Variants in SPARC observed in about 807,000 individuals in gnomAD.
The protein encoded by SPARC is basement-membrane protein 40.
A neutral mutation model predicts 37.7 loss-of-function variants in SPARC; 23 were observed. That is an observed-to-expected ratio of 0.61 (90% CI 0.44 to 0.87). SPARC has a LOEUF of 0.87. Ranked by LOEUF, SPARC falls within the 40% of genes least tolerant of loss-of-function variation. The pLI, the probability that SPARC is intolerant of heterozygous loss-of-function variation, is 0.00. For missense variants in SPARC, 312 were observed against 389.0 expected (o/e 0.80, Z 1.66); for synonymous variants, 155 against 150.8 (o/e 1.03, Z -0.20).
intron 1 of SPARC, among the ~76,000 whole-genome samples, chr5:151,681,095 C>T (rs1026932836): frequency 1.3e-5 from 2 of 152,214 alleles, no homozygotes; most frequent in Admixed American, 6.5e-5. Flanking sequence ...GGCTTGGAAA[C>T]AAGGGCTCCA....
intron 1 of SPARC, chr5:151,676,817 G>A (rs1392193068): frequency 6.6e-6 from 1 of 152,182 alleles, no homozygotes; most frequent in Non-Finnish European, 1.5e-5. Flanking sequence ...TGCAATGGGA[G>A]AAGTTAATAG....
intron 8 of SPARC, 126 bp downstream of exon 8, chr5:151,666,235 T>C: frequency 1.1e-6 from 1 of 943,558 alleles, no homozygotes; most frequent in Admixed American, 2.6e-5. Context: ...ATCCTTCTGC[T>C]CCAATCCCCA....
At chr5:151,684,196 TC>T (rs148470763) in intron 1 of SPARC, among the ~76,000 whole-genome samples, 4,312 of 152,286 alleles carry the variant, frequency 0.028, 202 homozygotes, top group African/African-American at 0.097. Flanking sequence ...TTTCTTGTTT[TC>T]TTTTCAACTG....
At chr5:151,673,345 C>A (rs1760787826) in intron 3 of SPARC, 129 bp from the exon 4 acceptor site, 1 of 723,114 alleles carries the variant, frequency 1.4e-6, no homozygotes, top group Non-Finnish European at 2.5e-6. Context: ...ATCTATAGGC[C>A]TGCTGTGTTT....
intron 1 of SPARC, among the ~76,000 whole-genome samples, chr5:151,684,752 A>C (rs990229388): frequency 2.6e-5 from 4 of 152,056 alleles, no homozygotes; most frequent in Admixed American, 6.6e-5. Flanking sequence ...TCTACACACT[A>C]TCTACCCCCT....
intron 6 of SPARC, 115 bp from the exon 7 acceptor site, chr5:151,667,715 A>C: frequency 5.9e-6 from 7 of 1,183,490 alleles, no homozygotes; most frequent in Non-Finnish European, 8.3e-6. Context: ...ACAGTGGCTC[A>C]ACCTCTCCAG....
In SPARC at chr5:151,680,288, C is replaced by T. The variant is rs116523663; in HGVS notation, c.-13-4087G>A. 2.9e-3 allele frequency among the ~76,000 whole-genome samples: 360 copies of T among 123,370 alleles called. 1 individual carries two copies. The highest frequency in any genetic ancestry group is 9.8e-3 in the African/African-American group (303 of 30,808). 80.9% of individuals were successfully genotyped at this position (123,370 alleles called of 152,430 possible). A position where few individuals can be genotyped will look rare whatever the true frequency, so the allele number is the denominator to read the frequency against. ...GTCACCCAGACTGGAGTGTGGTTGGCGCAATCTCAGCTCACTGCAACCTCT... is the reference window on the plus strand; with the variant it reads ...GTCACCCAGACTGGAGTGTGGTTGGTGCAATCTCAGCTCACTGCAACCTCT... On this transcript the variant is annotated intron_variant, in intron 1 of 9. Transcript: ENST00000231061.
intron 1 of SPARC, among the ~76,000 whole-genome samples, chr5:151,682,491 G>A (rs1761018674): frequency 6.6e-6 from 1 of 151,948 alleles, no homozygotes. Context: ...ACAAACACGT[G>A]GCCTCCACCT....
chr5:151,673,242 G>A lies in SPARC; in HGVS notation c.121-26C>T, dbSNP rs750015292. ...CTGGAATTGAGGGAGAAGAATGGGT[G>A]AAATGGCCCCACTCCCATCCCAGAC... On this transcript the variant is annotated intron_variant, in intron 3 of 9. Transcript: ENST00000231061. 4 of 1,508,246 alleles carry A rather than the reference G, an allele frequency of 2.7e-6. No individual in the cohort carries two copies. The African/African-American group carries it at 4.1e-5, about 16-fold the overall frequency. The allele number at this position is 1,508,246 out of a possible 1,614,324, so 93.4% of individuals were successfully genotyped here. A position where few individuals can be genotyped will look rare whatever the true frequency, so the allele number is the denominator to read the frequency against.
In SPARC at chr5:151,661,215, C is replaced by T. The variant is rs1423674744; in HGVS notation, c.*2356G>A. On this transcript the variant is annotated 3_prime_UTR_variant, in exon 10 of 10. Coordinates refer to ENST00000231061, the MANE Select transcript of SPARC (RefSeq NM_003118.4). ...TAGAAAGCTCCAGGGGAGCAAGGAT[C>T]ACGCACGCTGCCTACTCATAAGATC... The T allele has an allele frequency of 6.6e-6, 1 of 152,224 alleles. No individual in the cohort carries two copies. The highest frequency in any genetic ancestry group is 1.5e-5 in the Non-Finnish European group (1 of 68,040). The allele number at this position is 152,224 out of a possible 1,614,324, so 9.4% of individuals were successfully genotyped here.
Position 151,661,916 on chromosome 5 carries a change from C to A in SPARC, c.*1655G>T, listed in dbSNP as rs908426680. On this transcript the variant is annotated 3_prime_UTR_variant, in exon 10 of 10. Transcript: ENST00000231061. ...AGAATAATGCTGTGTCCTCCTGTTA[C>A]ACATACTCATGGTCTCTCCTACTCT... 6 of 152,222 alleles carry A rather than the reference C, an allele frequency of 3.9e-5. No homozygotes were observed. Among genetic ancestry groups the A allele is most frequent in the African/African-American group, 1.4e-4 (6 of 41,458 alleles). 9.4% of individuals were successfully genotyped at this position (152,222 alleles called of 1,614,324 possible).
chr5:151,682,427 T>C (rs1467079141), intron 1 of SPARC, among the ~76,000 whole-genome samples: 2 of 152,198 alleles, frequency 1.3e-5, no homozygotes, highest in African/African-American at 2.4e-5. Flanking sequence ...TCCAGGCTAT[T>C]GCATCTGGAA....
At chr5:151,681,983 T>C (rs1007110423) in intron 1 of SPARC, among the ~76,000 whole-genome samples, 6 of 152,196 alleles carry the variant, frequency 3.9e-5, no homozygotes, top group Non-Finnish European at 7.3e-5. Flanking sequence ...CTAAGATACC[T>C]TGGAACATCT....
At position 151,676,330 on chromosome 5, in the gene SPARC, G is replaced by A. The variant is rs186606501; in HGVS notation, c.-13-129C>T. 112 of 635,290 alleles carry A rather than the reference G, an allele frequency of 1.8e-4. No individual in the cohort carries two copies. The East Asian group carries it at 2.5e-3, about 14-fold the overall frequency. The allele number at this position is 635,290 out of a possible 1,614,324, so 39.4% of individuals were successfully genotyped here. ...TAAATGATAGTGAAAAACATGAGGA[G>A]GTTGGTTCCATTTAATATTCTTTCA... On this transcript the variant is annotated intron_variant, in intron 1 of 9. Transcript: ENST00000231061.
intron 1 of SPARC, chr5:151,676,887 G>A (rs758548087): frequency 2.0e-5 from 3 of 152,176 alleles, no homozygotes; most frequent in Non-Finnish European, 4.4e-5. Context: ...AAGAACAATA[G>A]TCTTGGAATG....
rs773217013 is a variant in SPARC at position 151,673,181 on chromosome 5, T to C, written c.156A>G (p.Val52=). ...SVGANPVQVE[V]GEFDDGAEET... Reference sequence around the variant, plus strand: ...CCTCTGCACCATCATCAAATTCTCCTACTTCCACCTGGACAGGATTAGCTC... The same window carrying C: ...CCTCTGCACCATCATCAAATTCTCCCACTTCCACCTGGACAGGATTAGCTC... The change falls in exon 4 of 10, where the codon GTA becomes GTG. Residue 52 remains valine (V), a synonymous_variant. Coordinates refer to ENST00000231061, the MANE Select transcript of SPARC (RefSeq NM_003118.4). 3 of 1,613,496 alleles carry C rather than the reference T, an allele frequency of 1.9e-6. No homozygotes were observed. Among genetic ancestry groups the C allele is most frequent in the Non-Finnish European group, 2.5e-6 (3 of 1,179,484 alleles).
rs1213637685 is a variant in SPARC at position 151,663,583 on chromosome 5, A to T, written c.900T>A (p.Asp300Glu). 3.7e-6 allele frequency: 6 copies of T among 1,614,026 alleles called. No homozygotes were observed. The South Asian group carries it at 5.5e-5, about 15-fold the overall frequency. The change falls in exon 10 of 10, where the codon GAT (aspartate) becomes GAA (glutamate). Residue 300 changes from aspartate to glutamate, a missense_variant. Coordinates refer to ENST00000231061, the MANE Select transcript of SPARC (RefSeq NM_003118.4). ...GGAAGGAGTGGATTTAGATCACAAG[A>T]TCCTTGTCGATATCCTCTGCAAAGC... ...FGIKQKDIDK[D>E]LVI
rs1007063504 is a variant in SPARC at position 151,669,656 on chromosome 5, A to G, written c.451+8T>C. The G allele has an allele frequency of 6.2e-7, 1 of 1,614,052 alleles. No homozygotes were observed. Among genetic ancestry groups the G allele is most frequent in the Non-Finnish European group, 8.5e-7 (1 of 1,179,926 alleles). On this transcript the variant is annotated splice_region_variant and intron_variant, in intron 6 of 9. Transcript: ENST00000231061. ...GACAGGAGTCTGGAAGGGCCCAAGG[A>G]CACTCACATTTGCAAGGCCCGATGT...
chr5:151,686,345 G>A (rs1019087922), intron 1 of SPARC: 2 of 152,190 alleles, frequency 1.3e-5, no homozygotes, highest in African/African-American at 4.8e-5. Context: ...TCCCAGAGGT[G>A]TGGATTAATG....
Sources: gnomAD v4.1 joint callset for allele counts (sites outside exome capture counted in the v4.1 genomes callset) on GRCh38, gnomAD v4.1.1 for gene constraint, MANE v1.5 for transcripts, NCBI Gene and HGNC (gene_info 2026-07-23, HGNC 2026-07-21) for gene names.